The following AFF3 variants were observed in gnomAD, a reference collection of about 807,000 sequenced individuals.
AFF3 encodes ALF transcription elongation factor 3, also known as AF4/FMR2 family member 3.
In AFF3, 32 loss-of-function variants were observed where a neutral mutation model predicts 129.7. That is an observed-to-expected ratio of 0.25 (90% CI 0.19 to 0.33). The LOEUF (loss-of-function observed/expected upper bound fraction) is 0.33. Ranked by LOEUF, AFF3 falls within the 10% of genes least tolerant of loss-of-function variation. The probability of loss-of-function intolerance (pLI) is 1.00; values close to 1 mark genes in which losing one functional copy is unlikely to be tolerated. For missense variants in AFF3, 1,373 were observed against 1,592.0 expected (o/e 0.86, Z 2.34); for synonymous variants, 644 against 635.4 (o/e 1.01, Z -0.20).
chr2:99,780,208 C>T (rs1293952665), intron 8 of AFF3, among the ~76,000 whole-genome samples: 1 of 152,150 alleles, frequency 6.6e-6, no homozygotes, highest in African/African-American at 2.4e-5. Context: ...ATCTAAACTC[C>T]CTGTCCTGAT....
At chr2:99,854,621 C>T (rs1437022049) in intron 7 of AFF3, among the ~76,000 whole-genome samples, 1 of 152,200 alleles carries the variant, frequency 6.6e-6, no homozygotes, top group African/African-American at 2.4e-5. Flanking sequence ...TCACTTCTGC[C>T]TTCTGTTCTC....
intron 7 of AFF3, among the ~76,000 whole-genome samples, chr2:99,951,514 A>C (rs1355317807): frequency 6.6e-6 from 1 of 152,178 alleles, no homozygotes; most frequent in East Asian, 1.9e-4. Context: ...TGTTTACAAC[A>C]ATCTTATTAG....
chr2:99,932,614 C>T (rs1674132297), intron 7 of AFF3, among the ~76,000 whole-genome samples: 1 of 152,182 alleles, frequency 6.6e-6, no homozygotes, highest in African/African-American at 2.4e-5. Flanking sequence ...GGGCCTTGCA[C>T]ACTATGGCCC....
chr2:99,844,980 C>T (rs1439562547), intron 7 of AFF3, among the ~76,000 whole-genome samples: 1 of 151,450 alleles, frequency 6.6e-6, no homozygotes, highest in Admixed American at 6.6e-5. Context: ...AGACTATTTA[C>T]AAAATGAAAG....
At chr2:100,005,425 A>C (rs111414153) in intron 7 of AFF3, among the ~76,000 whole-genome samples, 13 of 152,334 alleles carry the variant, frequency 8.5e-5, no homozygotes, top group African/African-American at 3.1e-4. Flanking sequence ...CCACTGCTCA[A>C]AGATATGCCG....
chr2:99,841,143 C>T (rs946569831), intron 7 of AFF3, among the ~76,000 whole-genome samples: 4 of 152,190 alleles, frequency 2.6e-5, no homozygotes, highest in East Asian at 1.9e-4. Context: ...AGCTAAGCTT[C>T]CCTGAATATC....
intron 7 of AFF3, among the ~76,000 whole-genome samples, chr2:99,915,936 A>G (rs554330108): frequency 8.5e-5 from 13 of 152,350 alleles, no homozygotes; most frequent in Non-Finnish European, 1.8e-4. Context: ...CTTAAACTGA[A>G]GAAGAGTCTG....
At chr2:99,640,000 G>T (rs151106625) in intron 13 of AFF3, among the ~76,000 whole-genome samples, 1 of 151,998 alleles carries the variant, frequency 6.6e-6, no homozygotes, top group Non-Finnish European at 1.5e-5. Flanking sequence ...ACTTTTTTCC[G>T]TGAGTAAAGT....
intron 7 of AFF3, among the ~76,000 whole-genome samples, chr2:99,961,805 A>G (rs1677238607): frequency 6.7e-6 from 1 of 148,342 alleles, no homozygotes; most frequent in African/African-American, 2.6e-5. Flanking sequence ...ATACAGCAAC[A>G]GAAGGCAGTC....
At chr2:100,032,149 A>G (rs1174007776) in intron 4 of AFF3, among the ~76,000 whole-genome samples, 5 of 152,174 alleles carry the variant, frequency 3.3e-5, no homozygotes, top group Non-Finnish European at 7.4e-5. Flanking sequence ...GAGAGAGGCC[A>G]GGTATGGTGG....
At chr2:99,922,909 C>T (rs1695952615) in intron 7 of AFF3, among the ~76,000 whole-genome samples, 1 of 152,206 alleles carries the variant, frequency 6.6e-6, no homozygotes, top group Non-Finnish European at 1.5e-5. Context: ...TTGGAGCTCT[C>T]AGCCAGGGAA....
chr2:99,845,987 C>G (rs1689689723), intron 7 of AFF3, among the ~76,000 whole-genome samples: 1 of 151,944 alleles, frequency 6.6e-6, no homozygotes, highest in Non-Finnish European at 1.5e-5. Flanking sequence ...TGCCCACCAT[C>G]ACACCCGGCT....
chr2:99,862,945 CA>C (rs1171067538), intron 7 of AFF3, among the ~76,000 whole-genome samples: 7 of 152,208 alleles, frequency 4.6e-5, no homozygotes, highest in African/African-American at 1.7e-4. Context: ...GCTATCTTGG[CA>C]AACTAATATT....
At chr2:100,124,679 G>A (rs1345843790) in intron 2 of AFF3, among the ~76,000 whole-genome samples, 1 of 150,148 alleles carries the variant, frequency 6.7e-6, no homozygotes. Context: ...AGATGGGGGG[G>A]TGTATCAGGT....
At chr2:99,817,295 G>T (rs922817420) in intron 8 of AFF3, among the ~76,000 whole-genome samples, 2 of 152,198 alleles carry the variant, frequency 1.3e-5, no homozygotes, top group African/African-American at 4.8e-5. Context: ...TTAGCAATTT[G>T]TTTAAAGTTT....
At chr2:99,745,957 A>C (rs941517806) in intron 9 of AFF3, among the ~76,000 whole-genome samples, 1 of 152,162 alleles carries the variant, frequency 6.6e-6, no homozygotes, top group Admixed American at 6.5e-5. Flanking sequence ...ATGATGAACT[A>C]TGGAGACTCA....
At chr2:99,655,934 G>C (rs1248763060) in intron 12 of AFF3, among the ~76,000 whole-genome samples, 1 of 152,178 alleles carries the variant, frequency 6.6e-6, no homozygotes, top group East Asian at 1.9e-4. Context: ...GAGGGAACAG[G>C]TGACTGATTG....
intron 7 of AFF3, among the ~76,000 whole-genome samples, chr2:99,989,310 A>G (rs1680139005): frequency 6.6e-6 from 1 of 152,238 alleles, no homozygotes; most frequent in Non-Finnish European, 1.5e-5. Flanking sequence ...CATCTGAATA[A>G]AGTCCTTCCA....
chr2:99,580,081 C>T (rs1056073970), intron 17 of AFF3, among the ~76,000 whole-genome samples: 1 of 152,172 alleles, frequency 6.6e-6, no homozygotes, highest in Non-Finnish European at 1.5e-5. Flanking sequence ...CGATCCCAGC[C>T]AAGTGGCCCC....
Sources: allele counts gnomAD v4.1 joint callset (sites outside exome capture counted in the v4.1 genomes callset), GRCh38; gene constraint gnomAD v4.1.1; transcripts MANE v1.5; gene names NCBI Gene and HGNC (gene_info 2026-07-23, HGNC 2026-07-21).